KHDRBS2: variants seen among roughly 807,000 people sequenced by gnomAD.
KHDRBS2 encodes the protein KH RNA binding domain containing, signal transduction associated 2.
In KHDRBS2, 26 loss-of-function variants were observed where a neutral mutation model predicts 44.3. That is an observed-to-expected ratio of 0.59 (90% CI 0.43 to 0.81). The LOEUF (loss-of-function observed/expected upper bound fraction) is 0.81. Ranked by LOEUF, KHDRBS2 falls within the 40% of genes least tolerant of loss-of-function variation. The pLI is 0.00. For synonymous variants in KHDRBS2, 194 were observed against 151.1 expected (o/e 1.28, Z -2.08); for missense variants, 476 against 433.1 (o/e 1.10, Z -0.88).
chr6:62,105,299 C>T (rs533046723), intron 2 of KHDRBS2, among the ~76,000 whole-genome samples: 1 of 152,274 alleles, frequency 6.6e-6, no homozygotes, highest in Non-Finnish European at 1.5e-5. Context: ...TCTGGTATCA[C>T]AAACAGAAAA....
At chr6:62,167,966 T>C (rs1325710040) in intron 2 of KHDRBS2, among the ~76,000 whole-genome samples, 1 of 152,142 alleles carries the variant, frequency 6.6e-6, no homozygotes, top group African/African-American at 2.4e-5. Flanking sequence ...CATCTTTTGA[T>C]GTATAAAGAA....
chr6:61,590,960 T>A, the KHDRBS2 span, among the ~76,000 whole-genome samples: 3 of 152,120 alleles, frequency 2.0e-5, no homozygotes, highest in Non-Finnish European at 2.9e-5. Flanking sequence ...CCAGAATGAG[T>A]ACTTTATAAT....
intron 4 of KHDRBS2, among the ~76,000 whole-genome samples, chr6:61,907,553 G>C (rs967293339): frequency 2.8e-4 from 43 of 152,134 alleles, no homozygotes; most frequent in Non-Finnish European, 1.3e-4. Context: ...TTACATTTAA[G>C]TCTTCTATCT....
the KHDRBS2 span, among the ~76,000 whole-genome samples, chr6:61,580,034 G>A: frequency 4.6e-5 from 7 of 152,126 alleles, no homozygotes; most frequent in African/African-American, 1.2e-4. Context: ...TCCAGCCTGG[G>A]CAACAAGAGC....
At chr6:61,867,431 C>T (rs1408683729) in intron 6 of KHDRBS2, among the ~76,000 whole-genome samples, 1 of 152,144 alleles carries the variant, frequency 6.6e-6, no homozygotes, top group African/African-American at 2.4e-5. Context: ...GGGACACAGC[C>T]AAACCCTATC....
chr6:61,727,227 T>C (rs1466145728), intron 7 of KHDRBS2, among the ~76,000 whole-genome samples: 2 of 152,140 alleles, frequency 1.3e-5, no homozygotes, highest in Non-Finnish European at 2.9e-5. Flanking sequence ...TGTCTAGCCA[T>C]ATGGAGAAAA....
chr6:62,105,034 C>G (rs1455925009), intron 2 of KHDRBS2, among the ~76,000 whole-genome samples: 2 of 151,940 alleles, frequency 1.3e-5, no homozygotes, highest in East Asian at 3.9e-4. Context: ...AAATTGAAAA[C>G]AGAAAACGTG....
intron 4 of KHDRBS2, among the ~76,000 whole-genome samples, chr6:61,951,527 C>T (rs1764737148): frequency 6.6e-6 from 1 of 152,026 alleles, no homozygotes; most frequent in South Asian, 2.1e-4. Context: ...GATTATGCCT[C>T]CTAACATATG....
intron 4 of KHDRBS2, among the ~76,000 whole-genome samples, chr6:61,914,054 A>G (rs762876831): frequency 9.9e-5 from 15 of 152,060 alleles, no homozygotes; most frequent in Non-Finnish European, 1.8e-4. Flanking sequence ...TCTCAAAGAG[A>G]GTATTCTGGC....
chr6:62,248,831 C>T (rs1836052819), intron 1 of KHDRBS2, among the ~76,000 whole-genome samples: 2 of 152,012 alleles, frequency 1.3e-5, no homozygotes, highest in African/African-American at 4.8e-5. Context: ...ACTGCAAACA[C>T]AGCAAGACAA....
At chr6:61,563,530 T>A in the KHDRBS2 span, among the ~76,000 whole-genome samples, 1 of 152,240 alleles carries the variant, frequency 6.6e-6, no homozygotes. Flanking sequence ...TTTACTCTAC[T>A]AATGGTAATA....
At chr6:62,200,474 C>T (rs889708519) in intron 1 of KHDRBS2, among the ~76,000 whole-genome samples, 1 of 152,180 alleles carries the variant, frequency 6.6e-6, no homozygotes, top group African/African-American at 2.4e-5. Flanking sequence ...AGCCAAAAGA[C>T]ACATGAAAAA....
chr6:61,809,286 A>ATT (rs927922255), intron 6 of KHDRBS2, among the ~76,000 whole-genome samples: 6 of 152,164 alleles, frequency 3.9e-5, no homozygotes, highest in Admixed American at 6.6e-5. Context: ...TCTGCTTCTC[A>ATT]TTAAAGGCAA....
chr6:62,201,107 A>T (rs576644975), intron 1 of KHDRBS2, among the ~76,000 whole-genome samples: 3 of 152,274 alleles, frequency 2.0e-5, no homozygotes, highest in South Asian at 2.1e-4. Flanking sequence ...GCAGGGAGAG[A>T]TAGCATTAGG....
intron 6 of KHDRBS2, chr6:61,813,906 C>T (rs937309820): frequency 1.5e-5 from 7 of 455,884 alleles, no homozygotes; most frequent in Non-Finnish European, 2.6e-5. Context: ...CATTATTACT[C>T]CCTGCTTTTA....
intron 8 of KHDRBS2, among the ~76,000 whole-genome samples, chr6:61,693,535 A>C (rs1444530694): frequency 6.6e-6 from 1 of 152,210 alleles, no homozygotes; most frequent in Non-Finnish European, 1.5e-5. Context: ...AATGAAATTT[A>C]GTTAGTAAAA....
chr6:62,100,727 A>T (rs879420883), intron 2 of KHDRBS2, among the ~76,000 whole-genome samples: 1 of 152,214 alleles, frequency 6.6e-6, no homozygotes, highest in Admixed American at 6.5e-5. Context: ...TTTTTTAGAA[A>T]TAATACTTTA....
intron 7 of KHDRBS2, among the ~76,000 whole-genome samples, chr6:61,699,582 A>AACCT (rs1187137926): frequency 5.3e-5 from 8 of 152,144 alleles, no homozygotes; most frequent in Admixed American, 2.0e-4. Flanking sequence ...AGAAGGGCCT[A>AACCT]AAATTAGATG....
intron 6 of KHDRBS2, among the ~76,000 whole-genome samples, chr6:61,780,503 A>T (rs1462921136): frequency 6.6e-6 from 1 of 151,862 alleles, no homozygotes; most frequent in Non-Finnish European, 1.5e-5. Context: ...AGAGTCAAAA[A>T]ATAAAATATA....
Sources: allele counts gnomAD v4.1 joint callset (sites outside exome capture counted in the v4.1 genomes callset), GRCh38; gene constraint gnomAD v4.1.1; transcripts MANE v1.5; gene names NCBI Gene and HGNC (gene_info 2026-07-23, HGNC 2026-07-21).